The following CTNNA3 variants were observed in gnomAD, a reference collection of about 807,000 sequenced individuals.
The protein encoded by CTNNA3 is catenin alpha 3.
Under a neutral mutation model 95.7 loss-of-function variants are expected in CTNNA3, and 76 were observed. The ratio of observed to expected loss-of-function variants is 0.79; its 90% CI spans 0.66 to 0.96. The LOEUF (loss-of-function observed/expected upper bound fraction) is 0.96, where lower values mean the gene tolerates loss of function less well. CTNNA3 is among the 40% of genes least tolerant of loss of function. The pLI, the probability that CTNNA3 is intolerant of heterozygous loss-of-function variation, is 0.00. For synonymous variants in CTNNA3, 431 were observed against 374.4 expected (o/e 1.15, Z -1.74); for missense variants, 1,191 against 1,089.8 (o/e 1.09, Z -1.31).
intron 7 of CTNNA3, among the ~76,000 whole-genome samples, chr10:66,817,645 A>C (rs1842142738): frequency 6.6e-6 from 1 of 152,102 alleles, no homozygotes; most frequent in Non-Finnish European, 1.5e-5. Flanking sequence ...AAGTGAAGAG[A>C]CTGAATTAAT....
chr10:67,726,342 AATATATGAT>A (rs1245833390), intron 1 of CTNNA3, among the ~76,000 whole-genome samples: 4 of 57,480 alleles, frequency 7.0e-5, no homozygotes, highest in African/African-American at 2.2e-4. Context: ...TATTATATAT[AATATATGAT>A]ATATATGATA....
intron 6 of CTNNA3, among the ~76,000 whole-genome samples, chr10:67,187,494 A>G (rs924571761): frequency 1.3e-5 from 2 of 152,024 alleles, no homozygotes; most frequent in South Asian, 4.1e-4. Flanking sequence ...CTTGTCTTCA[A>G]GGAAGACATA....
At chr10:65,962,923 A>T (rs922914898) in intron 17 of CTNNA3, among the ~76,000 whole-genome samples, 1 of 152,132 alleles carries the variant, frequency 6.6e-6, no homozygotes, top group African/African-American at 2.4e-5. Context: ...TCCATGGTGT[A>T]TATGTGCCAC....
intron 3 of CTNNA3, among the ~76,000 whole-genome samples, chr10:67,593,679 A>C (rs1162556972): frequency 6.6e-6 from 1 of 152,144 alleles, no homozygotes; most frequent in East Asian, 1.9e-4. Context: ...AGGTTTTCTA[A>C]GTATAGGCTT....
chr10:66,573,664 C>T (rs1418725088), intron 10 of CTNNA3, among the ~76,000 whole-genome samples: 3 of 152,074 alleles, frequency 2.0e-5, no homozygotes, highest in Admixed American at 1.3e-4. Flanking sequence ...AATAAAAATG[C>T]CCTTTCTATT....
chr10:66,976,194 A>G (rs1209969615), intron 7 of CTNNA3, among the ~76,000 whole-genome samples: 1 of 152,232 alleles, frequency 6.6e-6, no homozygotes, highest in Non-Finnish European at 1.5e-5. Context: ...AACTCATGAA[A>G]TAATTATAAG....
At chr10:67,740,709 T>G (rs1392966504) in intron 1 of CTNNA3, among the ~76,000 whole-genome samples, 2 of 151,288 alleles carry the variant, frequency 1.3e-5, no homozygotes, top group Non-Finnish European at 3.0e-5. Flanking sequence ...ACACTGTTGG[T>G]GGGACTGTAA....
chr10:66,173,628 AG>A (rs948042691), intron 13 of CTNNA3, among the ~76,000 whole-genome samples: 5 of 152,070 alleles, frequency 3.3e-5, no homozygotes, highest in African/African-American at 1.2e-4. Context: ...GGGTGCAGTG[AG>A]CCATCATCAT....
chr10:66,526,967 A>AT (rs1257728916), intron 10 of CTNNA3, among the ~76,000 whole-genome samples: 2 of 151,150 alleles, frequency 1.3e-5, no homozygotes, highest in Non-Finnish European at 3.0e-5. Context: ...TTTTTTTTCC[A>AT]TTTTTTGTGC....
At chr10:67,095,637 T>A (rs1355638298) in intron 7 of CTNNA3, among the ~76,000 whole-genome samples, 1 of 151,870 alleles carries the variant, frequency 6.6e-6, no homozygotes, top group Non-Finnish European at 1.5e-5. Flanking sequence ...AATTACAAAT[T>A]ATTCACAGTA....
intron 10 of CTNNA3, among the ~76,000 whole-genome samples, chr10:66,567,066 G>GAGGGAGGGAGGGAGGAGGAGGGGAAGGT (rs1842733405): frequency 6.4e-3 from 1 of 156 alleles, no homozygotes; most frequent in Non-Finnish European, 0.015. Context: ...GAGGGGAAGG[G>GAGGGAGGGAGGGAGGAGGAGGGGAAGGT]GGAGGGAGGG....
intron 7 of CTNNA3, among the ~76,000 whole-genome samples, chr10:67,115,876 A>G (rs7081413): frequency 0.23 from 35,637 of 151,654 alleles, 5,148 homozygotes; most frequent in African/African-American, 0.41. Context: ...AAATATTTAA[A>G]TAGACACCTC....
At chr10:67,243,124 T>C (rs1460642096) in intron 5 of CTNNA3, among the ~76,000 whole-genome samples, 5 of 152,126 alleles carry the variant, frequency 3.3e-5, no homozygotes, top group Admixed American at 6.6e-5. Flanking sequence ...ATATCTCAAG[T>C]TGAGTCTCAA....
chr10:66,178,399 GTATA>G (rs71035113), intron 13 of CTNNA3, among the ~76,000 whole-genome samples: 2,243 of 90,746 alleles, frequency 0.025, 45 homozygotes, highest in Middle Eastern at 0.045. Flanking sequence ...CCTTGAAAGT[GTATA>G]TATATATATA....
At chr10:66,968,785 GGT>G (rs1291155218) in intron 7 of CTNNA3, among the ~76,000 whole-genome samples, 14 of 152,104 alleles carry the variant, frequency 9.2e-5, no homozygotes, top group Admixed American at 5.9e-4. Flanking sequence ...GGGAGGCCAA[GGT>G]GGGCAGATTA....
chr10:67,589,123 G>C (rs1842721731), intron 3 of CTNNA3, among the ~76,000 whole-genome samples: 1 of 152,186 alleles, frequency 6.6e-6, no homozygotes, highest in African/African-American at 2.4e-5. Flanking sequence ...ATACTTATCT[G>C]TATTCATATG....
At chr10:66,310,081 G>A (rs2091996768) in intron 12 of CTNNA3, among the ~76,000 whole-genome samples, 1 of 151,116 alleles carries the variant, frequency 6.6e-6, no homozygotes, top group African/African-American at 2.4e-5. Context: ...TTGCACCACT[G>A]CACTCCAGCC....
chr10:66,366,457 T>C (rs1373774464), intron 12 of CTNNA3, among the ~76,000 whole-genome samples: 1 of 152,194 alleles, frequency 6.6e-6, no homozygotes, highest in Non-Finnish European at 1.5e-5. Context: ...GCAATAGTAG[T>C]AAGTGGTAGG....
chr10:67,116,738 AT>A (rs1389676661), intron 7 of CTNNA3, among the ~76,000 whole-genome samples: 3 of 147,620 alleles, frequency 2.0e-5, no homozygotes, highest in Non-Finnish European at 3.0e-5. Context: ...ATATATATAT[AT>A]ATATAATATA....
Sources: allele counts gnomAD v4.1 joint callset (sites outside exome capture counted in the v4.1 genomes callset), GRCh38; gene constraint gnomAD v4.1.1; transcripts MANE v1.5; gene names NCBI Gene and HGNC (gene_info 2026-07-23, HGNC 2026-07-21).